GGACT: variants seen among roughly 807,000 people sequenced by gnomAD.
GGACT encodes gamma-glutamylamine cyclotransferase.
For missense variants in GGACT, 241 were observed against 233.2 expected, an observed-to-expected ratio of 1.03 and a Z score of -0.22; for synonymous variants, 118 against 115.3, an observed-to-expected ratio of 1.02 and a Z score of -0.15.
intron 2 of GGACT, among the ~76,000 whole-genome samples, chr13:100,566,378 G>C (rs117168066): frequency 6.6e-6 from 1 of 152,204 alleles, no homozygotes; most frequent in Non-Finnish European, 1.5e-5. Context: ...TTGCTTTCTC[G>C]GTTGCTACTG....
intron 2 of GGACT, among the ~76,000 whole-genome samples, chr13:100,558,885 T>G (rs976510312): frequency 6.6e-6 from 1 of 151,764 alleles, no homozygotes; most frequent in African/African-American, 2.4e-5. Flanking sequence ...CACAGTTAGA[T>G]GAGAGGAGTT....
chr13:100,538,470 A>G (rs557144245), intron 2 of GGACT: 4 of 152,384 alleles, frequency 2.6e-5, no homozygotes, highest in Non-Finnish European at 4.4e-5. Flanking sequence ...AAAATTTATC[A>G]TAACTATTTT....
intron 2 of GGACT, among the ~76,000 whole-genome samples, chr13:100,580,323 T>C (rs936167168): frequency 6.6e-6 from 1 of 152,126 alleles, no homozygotes; most frequent in Non-Finnish European, 1.5e-5. Flanking sequence ...ACACGGGCCC[T>C]GAATCCAATG....
At chr13:100,538,759 G>A (rs932673566) in intron 2 of GGACT, 6 of 152,178 alleles carry the variant, frequency 3.9e-5, no homozygotes, top group Admixed American at 6.5e-5. Context: ...TTTTGGATTG[G>A]GTTTTCCTCT....
At chr13:100,548,949 G>T (rs1434794833) in intron 2 of GGACT, among the ~76,000 whole-genome samples, 1 of 152,222 alleles carries the variant, frequency 6.6e-6, no homozygotes, top group African/African-American at 2.4e-5. Context: ...GTATTTCAGA[G>T]AATACTTTCA....
intron 2 of GGACT, chr13:100,578,844 CCAT>C (rs2153017033): frequency 6.6e-6 from 1 of 152,242 alleles, no homozygotes; most frequent in African/African-American, 2.4e-5. Flanking sequence ...GTTAATAAAA[CCAT>C]CATGAGATGT....
intron 2 of GGACT, among the ~76,000 whole-genome samples, chr13:100,576,673 T>C (rs561417705): frequency 4.1e-4 from 62 of 152,328 alleles, no homozygotes; most frequent in African/African-American, 1.5e-3. Context: ...GGTTGCATAT[T>C]ATATCATTTC....
intron 2 of GGACT, among the ~76,000 whole-genome samples, chr13:100,552,032 T>C (rs1045445064): frequency 1.3e-5 from 2 of 152,216 alleles, no homozygotes; most frequent in South Asian, 2.1e-4. Context: ...CACCCGCACC[T>C]GAGGGGCCCT....
At chr13:100,571,951 C>G (rs1031001432) in intron 2 of GGACT, among the ~76,000 whole-genome samples, 1 of 152,114 alleles carries the variant, frequency 6.6e-6, no homozygotes, top group African/African-American at 2.4e-5. Context: ...TTAACTTACT[C>G]AAACATACAA....
At chr13:100,554,080 A>T (rs1367943303) in intron 2 of GGACT, among the ~76,000 whole-genome samples, 1 of 152,212 alleles carries the variant, frequency 6.6e-6, no homozygotes, top group Non-Finnish European at 1.5e-5. Flanking sequence ...TATAGTTAGT[A>T]CTACACATAA....
At chr13:100,566,310 G>A (rs756392575) in intron 2 of GGACT, among the ~76,000 whole-genome samples, 12 of 152,180 alleles carry the variant, frequency 7.9e-5, no homozygotes, top group Non-Finnish European at 1.0e-4. Context: ...ATGTCTTCAC[G>A]TGCTCACAAA....
intron 2 of GGACT, among the ~76,000 whole-genome samples, chr13:100,582,339 A>G (rs1875445263): frequency 6.6e-6 from 1 of 152,176 alleles, no homozygotes; most frequent in African/African-American, 2.4e-5. Flanking sequence ...CCTCCCTGCC[A>G]AGGACTCAGC....
chr13:100,560,002 C>T (rs181108558), intron 2 of GGACT, among the ~76,000 whole-genome samples: 3 of 152,208 alleles, frequency 2.0e-5, no homozygotes, highest in Admixed American at 2.0e-4. Flanking sequence ...AGCCAGACGC[C>T]AAAGACTACA....
chr13:100,542,063 A>AT (rs199655626), intron 2 of GGACT, among the ~76,000 whole-genome samples: 1,664 of 152,314 alleles, frequency 0.011, 31 homozygotes, highest in African/African-American at 0.037. Flanking sequence ...CCCCATGGGG[A>AT]CTGAGCCAGG....
chr13:100,535,114 G>C (rs986506525), intron 2 of GGACT, among the ~76,000 whole-genome samples: 1 of 149,898 alleles, frequency 6.7e-6, no homozygotes, highest in Non-Finnish European at 1.5e-5. Context: ...TGGCGATCTA[G>C]GACCAGCCAG....
rs994742980 is a variant in GGACT at position 100,545,526 on chromosome 13, C to T, written c.-10-12925G>A. On this transcript the variant is annotated intron_variant, in intron 2 of 2. Transcript: ENST00000683975. The surrounding 1 kb of genome is among the most constrained non-coding windows in gnomAD (Gnocchi z 4.4). ...CATACCAGGCTCCAGTCACATCTGC[C>T]GTGGCCTCCTGAATCTAGAAGGTGC... Among the ~76,000 whole-genome samples the T allele has an allele frequency of 1.3e-5, 2 of 152,352 alleles. No individual in the cohort carries two copies. The highest frequency in any genetic ancestry group is 1.9e-4 in the East Asian group (1 of 5,176).
chr13:100,532,617 AAG>A lies in GGACT; in HGVS notation c.-10-18_-10-17del. 1.3e-6 allele frequency: 2 copies of A among 1,513,674 alleles called. No homozygotes were observed. The highest frequency in any genetic ancestry group is 1.8e-6 in the Non-Finnish European group (2 of 1,123,784). The allele number at this position is 1,513,674 out of a possible 1,614,324, so 93.8% of individuals were successfully genotyped here. On this transcript the variant is annotated splice_polypyrimidine_tract_variant and intron_variant, in intron 2 of 2. Coordinates refer to ENST00000683975, the MANE Select transcript of GGACT (RefSeq NM_001195087.2). ...CCGGGCAGAGCTGCAGGGAGAGGGGAAGTCACAGGTCAGCCCGCAGTGGGAGC... is the reference window on the plus strand; with the variant it reads ...CCGGGCAGAGCTGCAGGGAGAGGGGATCACAGGTCAGCCCGCAGTGGGAGC...
intron 2 of GGACT, among the ~76,000 whole-genome samples, chr13:100,544,916 T>C (rs920795027): frequency 6.6e-6 from 1 of 152,188 alleles, no homozygotes; most frequent in Non-Finnish European, 1.5e-5. Flanking sequence ...ACAGGCAGGA[T>C]GGAGAACCGG....
chr13:100,534,017 C>G lies in GGACT; in HGVS notation c.-10-1416G>C, dbSNP rs924024470. 1.3e-5 allele frequency among the ~76,000 whole-genome samples: 2 copies of G among 152,224 alleles called. No homozygotes were observed. Among genetic ancestry groups the G allele is most frequent in the Non-Finnish European group, 2.9e-5 (2 of 68,034 alleles). On this transcript the variant is annotated intron_variant, in intron 2 of 2. Transcript: ENST00000683975. The surrounding 1 kb of genome is among the most constrained non-coding windows in gnomAD (Gnocchi z 4.9). ...GCGGCTCGTGACCCGCCAGAAATGGCCCCGGACACCACACTTGCCACCAAT... is the reference window on the plus strand; with the variant it reads ...GCGGCTCGTGACCCGCCAGAAATGGGCCCGGACACCACACTTGCCACCAAT...
Sources: allele counts gnomAD v4.1 joint callset (sites outside exome capture counted in the v4.1 genomes callset), GRCh38; gene constraint gnomAD v4.1.1; non-coding constraint Gnocchi (gnomAD v3.1); transcripts MANE v1.5; gene names NCBI Gene and HGNC (gene_info 2026-07-23, HGNC 2026-07-21).